The following RAP2A variants were observed in gnomAD, a reference collection of about 807,000 sequenced individuals.
RAP2A encodes the protein ras-related protein Rap-2a.
In RAP2A, 5 loss-of-function variants were observed where a neutral mutation model predicts 15.1. The observed-to-expected ratio is 0.33, with a 90% CI of 0.17 to 0.70. The LOEUF (loss-of-function observed/expected upper bound fraction) is 0.70. RAP2A is among the 30% of genes least tolerant of loss of function. The pLI, the probability that RAP2A is intolerant of heterozygous loss-of-function variation, is 0.68. For synonymous variants in RAP2A, 110 were observed against 99.7 expected (o/e 1.10, Z -0.62); for missense variants, 111 against 240.3 (o/e 0.46, Z 3.56).
intron 1 of RAP2A, among the ~76,000 whole-genome samples, chr13:97,436,333 TC>T (rs2066634249): frequency 6.6e-6 from 1 of 151,966 alleles, no homozygotes; most frequent in South Asian, 2.1e-4. Flanking sequence ...TATTACCCCC[TC>T]CCCCAACCAC....
intron 1 of RAP2A, among the ~76,000 whole-genome samples, chr13:97,444,241 A>T (rs534806420): frequency 6.6e-6 from 1 of 152,350 alleles, no homozygotes; most frequent in Admixed American, 6.5e-5. Context: ...TATATTGGCT[A>T]TAAATGGTGG....
chr13:97,445,389 C>T (rs2066675315), intron 1 of RAP2A, among the ~76,000 whole-genome samples: 1 of 152,166 alleles, frequency 6.6e-6, no homozygotes, highest in African/African-American at 2.4e-5. Flanking sequence ...TACATACATA[C>T]ATGCATACAT....
Position 97,456,002 on chromosome 13 carries a change from A to T in RAP2A, c.315-8203A>T, listed in dbSNP as rs2066721216. 1.3e-5 allele frequency among the ~76,000 whole-genome samples: 2 copies of T among 151,326 alleles called. 1 individual carries two copies. Among genetic ancestry groups the T allele is most frequent in the South Asian group, 4.2e-4 (2 of 4,760 alleles). ...GGGGATTTCTCCCACTCTCTTCGGGACTGAGGGCCCATTTCCCAGTTCTCT... is the reference window on the plus strand; with the variant it reads ...GGGGATTTCTCCCACTCTCTTCGGGTCTGAGGGCCCATTTCCCAGTTCTCT... On this transcript the variant is annotated intron_variant, in intron 1 of 1. Coordinates refer to ENST00000245304, the MANE Select transcript of RAP2A (RefSeq NM_021033.7).
intron 1 of RAP2A, among the ~76,000 whole-genome samples, chr13:97,452,548 A>G (rs2066706049): frequency 6.6e-6 from 1 of 150,870 alleles, no homozygotes; most frequent in Admixed American, 6.6e-5. Context: ...CTGGTGTCTA[A>G]TCCTCCAGCT....
chr13:97,442,967 C>T (rs899996855), intron 1 of RAP2A, among the ~76,000 whole-genome samples: 1 of 152,170 alleles, frequency 6.6e-6, no homozygotes, highest in Non-Finnish European at 1.5e-5. Flanking sequence ...ATGTATTTCT[C>T]ATGTAATGTT....
Position 97,434,895 on chromosome 13 carries a change from A to C in RAP2A, c.314+111A>C, listed in dbSNP as rs868281402. 13 of 1,414,106 alleles carry C rather than the reference A, an allele frequency of 9.2e-6. No individual in the cohort carries two copies. The Middle Eastern group carries it at 7.9e-4, about 86-fold the overall frequency. 87.6% of individuals were successfully genotyped at this position (1,414,106 alleles called of 1,614,324 possible). A position where few individuals can be genotyped will look rare whatever the true frequency, so the allele number is the denominator to read the frequency against. ...AGGGGCTTTCTGGGGGGTGGCTCCA[A>C]GCTGGAGGCTTTACTATTGTCATTC... On this transcript the variant is annotated intron_variant, in intron 1 of 1. Coordinates refer to ENST00000245304, the MANE Select transcript of RAP2A (RefSeq NM_021033.7).
chr13:97,439,627 G>A (rs1305452834), intron 1 of RAP2A, among the ~76,000 whole-genome samples: 1 of 152,122 alleles, frequency 6.6e-6, no homozygotes, highest in Non-Finnish European at 1.5e-5. Context: ...TGAAAGGTCA[G>A]GTTATGTATG....
chr13:97,461,823 C>T (rs548716239), intron 1 of RAP2A, among the ~76,000 whole-genome samples: 5 of 151,200 alleles, frequency 3.3e-5, no homozygotes, highest in Admixed American at 2.0e-4. Flanking sequence ...ATTAGTCGGG[C>T]GTGGTGGTGG....
chr13:97,443,849 T>C (rs1408819518), intron 1 of RAP2A, among the ~76,000 whole-genome samples: 1 of 152,264 alleles, frequency 6.6e-6, no homozygotes, highest in East Asian at 1.9e-4. Context: ...TTATTAGTTA[T>C]GTAATTAGGA....
chr13:97,462,274 A>T (rs2066751292), intron 1 of RAP2A, among the ~76,000 whole-genome samples: 1 of 151,966 alleles, frequency 6.6e-6, no homozygotes, highest in African/African-American at 2.4e-5. Context: ...ACTGTGATGT[A>T]TATACTTTCA....
intron 1 of RAP2A, among the ~76,000 whole-genome samples, chr13:97,441,284 T>G (rs1016669085): frequency 6.6e-6 from 1 of 152,142 alleles, no homozygotes; most frequent in Non-Finnish European, 1.5e-5. Context: ...AAGGAATAAT[T>G]ATACTAATAC....
chr13:97,462,774 T>G (rs937035495), intron 1 of RAP2A, among the ~76,000 whole-genome samples: 10 of 152,210 alleles, frequency 6.6e-5, no homozygotes, highest in African/African-American at 2.4e-4. Context: ...TATGCCCTCT[T>G]GTTGAGACCA....
chr13:97,435,486 A>AAC (rs2066630033), intron 1 of RAP2A, among the ~76,000 whole-genome samples: 1 of 149,666 alleles, frequency 6.7e-6, no homozygotes, highest in Admixed American at 6.7e-5. Context: ...AAAAAAAAAA[A>AAC]ACACCACCAC....
intron 1 of RAP2A, among the ~76,000 whole-genome samples, chr13:97,448,877 A>T (rs2066690474): frequency 6.6e-6 from 1 of 152,136 alleles, no homozygotes; most frequent in Non-Finnish European, 1.5e-5. Context: ...AAGCAACAGG[A>T]GGGCTTTATG....
Position 97,434,399 on chromosome 13 carries a change from G to A in RAP2A, c.-72G>A. ...GGCGGGGCGGGCCGCCGGGGCCGGG[G>A]CTGGGGGCGCAGCGCGGCCGGCGTA... On this transcript the variant is annotated 5_prime_UTR_variant, in exon 1 of 2. Transcript: ENST00000245304. The A allele has an allele frequency of 2.7e-6, 3 of 1,112,364 alleles. No homozygotes were observed. The highest frequency in any genetic ancestry group is 2.2e-6 in the Non-Finnish European group (2 of 906,306). The allele number at this position is 1,112,364 out of a possible 1,614,324, so 68.9% of individuals were successfully genotyped here. A position where few individuals can be genotyped will look rare whatever the true frequency, so the allele number is the denominator to read the frequency against.
At chr13:97,463,525 T>C (rs1006956706) in intron 1 of RAP2A, among the ~76,000 whole-genome samples, 1 of 152,206 alleles carries the variant, frequency 6.6e-6, no homozygotes, top group Non-Finnish European at 1.5e-5. Context: ...TCCATAAAAG[T>C]TTTCTGAAGG....
At chr13:97,441,410 A>G (rs370833413) in intron 1 of RAP2A, among the ~76,000 whole-genome samples, 3 of 152,162 alleles carry the variant, frequency 2.0e-5, no homozygotes, top group Admixed American at 6.6e-5. Flanking sequence ...ACAAAGTTGG[A>G]ATCTATTTGC....
intron 1 of RAP2A, 73 bp from the exon 2 acceptor site, chr13:97,464,132 G>A (rs1377849850): frequency 1.4e-5 from 21 of 1,483,818 alleles, no homozygotes; most frequent in African/African-American, 4.2e-5. Flanking sequence ...CCCCAAAAAC[G>A]AAAATACACG....
chr13:97,450,421 T>C (rs1354998068), intron 1 of RAP2A, among the ~76,000 whole-genome samples: 2 of 152,176 alleles, frequency 1.3e-5, no homozygotes, highest in African/African-American at 2.4e-5. Context: ...AAATGGATGT[T>C]GTATGTCCGA....
Sources: allele counts gnomAD v4.1 joint callset (sites outside exome capture counted in the v4.1 genomes callset), GRCh38; gene constraint gnomAD v4.1.1; transcripts MANE v1.5; gene names NCBI Gene and HGNC (gene_info 2026-07-23, HGNC 2026-07-21).